Variants in USP3 observed in about 807,000 individuals in gnomAD.
The protein encoded by USP3 is ubiquitin specific peptidase 3.
USP3 carries 20 observed loss-of-function variants against 72.3 expected under a neutral mutation model. The ratio of observed to expected loss-of-function variants is 0.28; its 90% CI spans 0.19 to 0.40. The LOEUF (loss-of-function observed/expected upper bound fraction) is 0.40, where lower values mean the gene tolerates loss of function less well. USP3 is among the 10% of genes least tolerant of loss of function. The pLI, the probability that USP3 is intolerant of heterozygous loss-of-function variation, is 1.00. For synonymous variants in USP3, 222 were observed against 225.3 expected, an observed-to-expected ratio of 0.99 and a Z score of 0.13; for missense variants, 479 against 633.9, an observed-to-expected ratio of 0.76 and a Z score of 2.62.
intron 11 of USP3, chr15:63,587,708 GCT>G (rs1334500252): frequency 1.3e-5 from 2 of 152,252 alleles, no homozygotes; most frequent in East Asian, 3.8e-4. Context: ...AGTGGGCATG[GCT>G]CTGTTCCAAT....
rs1215978780 is a variant in USP3, at chr15:63,504,899, GGGCCGCAGGC to G, written c.91+75_91+84del. ...CGGCTCTGCCGGGCCTGCCGTCTAG[GGGCCGCAGGC>G]GGCCGGCGCGCGGACTCGGGGAGGG... On this transcript the variant is annotated intron_variant, in intron 1 of 14. Coordinates refer to ENST00000380324, the MANE Select transcript of USP3 (RefSeq NM_006537.4). 26 of 1,228,414 alleles carry G rather than the reference GGGCCGCAGGC, an allele frequency of 2.1e-5. No individual in the cohort carries two copies. The Admixed American group carries it at 1.1e-3, about 52-fold the overall frequency. The allele number at this position is 1,228,414 out of a possible 1,614,324, so 76.1% of individuals were successfully genotyped here.
intron 9 of USP3, among the ~76,000 whole-genome samples, chr15:63,573,087 TG>T (rs2066805531): frequency 6.6e-6 from 1 of 152,214 alleles, no homozygotes; most frequent in East Asian, 1.9e-4. Context: ...TTGCTTCCAT[TG>T]TATGTCCATA....
chr15:63,557,477 G>A (rs1394075933), intron 5 of USP3, among the ~76,000 whole-genome samples: 1 of 152,064 alleles, frequency 6.6e-6, no homozygotes. Context: ...TGCTCAGGCT[G>A]GTCTCGAACT....
chr15:63,532,778 G>A (rs2066096329), intron 2 of USP3, 71 bp downstream of exon 2: 1 of 1,516,840 alleles, frequency 6.6e-7, no homozygotes, highest in Non-Finnish European at 9.1e-7. Context: ...TTATGTCAGA[G>A]TTTTATTGAT....
chr15:63,571,895 C>G (rs1266844670), intron 9 of USP3, among the ~76,000 whole-genome samples: 1 of 152,118 alleles, frequency 6.6e-6, no homozygotes, highest in Non-Finnish European at 1.5e-5. Flanking sequence ...ATTGGAAAAG[C>G]CATTTCAGGA....
At chr15:63,560,686 C>T (rs557120392) in intron 7 of USP3, among the ~76,000 whole-genome samples, 6 of 151,810 alleles carry the variant, frequency 4.0e-5, no homozygotes, top group South Asian at 4.2e-4. Context: ...TTGGTTGATA[C>T]GGAGAGGGGG....
At chr15:63,579,237 A>G (rs977125296) in intron 11 of USP3, among the ~76,000 whole-genome samples, 13 of 152,354 alleles carry the variant, frequency 8.5e-5, no homozygotes, top group Middle Eastern at 6.8e-3. Context: ...TATGGTAGAA[A>G]TGTCCATTTT....
chr15:63,529,419 G>A lies in USP3; in HGVS notation c.92-3228G>A, dbSNP rs868432010. Among the ~76,000 whole-genome samples, 1 of 151,882 alleles carries A rather than the reference G, an allele frequency of 6.6e-6. No homozygotes were observed. Among genetic ancestry groups the A allele is most frequent in the Non-Finnish European group, 1.5e-5 (1 of 67,982 alleles). Reference sequence around the variant, plus strand: ...ACAAGTACCATCTCTATCTAGTTCCGAAACATTTTCATAACCCCAAAATAA... The same window carrying A: ...ACAAGTACCATCTCTATCTAGTTCCAAAACATTTTCATAACCCCAAAATAA... On this transcript the variant is annotated intron_variant, in intron 1 of 14. Transcript: ENST00000380324. This position sits in a 1 kb window ranked among gnomAD's most constrained non-coding sequence, Gnocchi z 4.2.
At chr15:63,575,696 C>A (rs1322535168) in intron 11 of USP3, among the ~76,000 whole-genome samples, 1 of 152,156 alleles carries the variant, frequency 6.6e-6, no homozygotes, top group African/African-American at 2.4e-5. Context: ...TAGTATGTGT[C>A]TCCAAAACTG....
intron 1 of USP3, chr15:63,515,300 A>G (rs1198304344): frequency 6.6e-6 from 1 of 152,232 alleles, no homozygotes; most frequent in African/African-American, 2.4e-5. Context: ...TGTTTAGTGC[A>G]TTACAGTTTT....
rs2066755279 is a variant in USP3, at chr15:63,570,087, A to G, written c.762-346A>G. On this transcript the variant is annotated intron_variant, in intron 8 of 14. Coordinates refer to ENST00000380324, the MANE Select transcript of USP3 (RefSeq NM_006537.4). This position sits in a 1 kb window ranked among gnomAD's most constrained non-coding sequence, Gnocchi z 4.4. ...GAGAAGAGTCAGAGTCCACCAGGAA[A>G]CAAAGGTGTAGTCCCATCTCTGTTA... 6.6e-6 allele frequency among the ~76,000 whole-genome samples: 1 copy of G among 152,142 alleles called. No homozygotes were observed. Among genetic ancestry groups the G allele is most frequent in the African/African-American group, 2.4e-5 (1 of 41,412 alleles).
chr15:63,527,246 T>G (rs146011600), intron 1 of USP3, among the ~76,000 whole-genome samples: 2 of 152,322 alleles, frequency 1.3e-5, no homozygotes, highest in Non-Finnish European at 2.9e-5. Context: ...CATCACCTAC[T>G]CTTCATTTTA....
rs1485103084 is a variant in USP3 at position 63,528,001 on chromosome 15, C to G, written c.92-4646C>G. On this transcript the variant is annotated intron_variant, in intron 1 of 14. Transcript: ENST00000380324. The surrounding 1 kb of genome is among the most constrained non-coding windows in gnomAD (Gnocchi z 4.3). Reference sequence around the variant, plus strand: ...TACCTTCTGGAGAATGGCTCTAGCTCAGGAGAGGATAGAGCTTCTTCATCT... The same window carrying G: ...TACCTTCTGGAGAATGGCTCTAGCTGAGGAGAGGATAGAGCTTCTTCATCT... The G allele has an allele frequency of 6.6e-6, 1 of 152,226 alleles. No individual in the cohort carries two copies. The allele number at this position is 152,226 out of a possible 1,614,324, so 9.4% of individuals were successfully genotyped here. A position where few individuals can be genotyped will look rare whatever the true frequency, so the allele number is the denominator to read the frequency against.
chr15:63,555,509 A>G (rs1056462799), intron 4 of USP3, among the ~76,000 whole-genome samples: 7 of 152,242 alleles, frequency 4.6e-5, no homozygotes, highest in Admixed American at 3.3e-4. Flanking sequence ...AGTGGCTACT[A>G]TATTAGATAG....
At chr15:63,580,062 A>G (rs902564856) in intron 11 of USP3, among the ~76,000 whole-genome samples, 3 of 152,162 alleles carry the variant, frequency 2.0e-5, no homozygotes, top group Admixed American at 1.3e-4. Context: ...ACACTTTGTT[A>G]TTGAAAAAAA....
At chr15:63,568,796 G>C (rs186263187) in intron 8 of USP3, among the ~76,000 whole-genome samples, 1 of 152,224 alleles carries the variant, frequency 6.6e-6, no homozygotes. Context: ...AGTGTTCCCT[G>C]GTAAATTTCA....
At chr15:63,505,180 G>A (rs1194605959) in intron 1 of USP3, among the ~76,000 whole-genome samples, 5 of 151,894 alleles carry the variant, frequency 3.3e-5, no homozygotes, top group Non-Finnish European at 5.9e-5. Context: ...TCCGTGTTGC[G>A]GGGTCGCCTG....
chr15:63,504,615 A>T lies in USP3; in HGVS notation c.-125A>T. On this transcript the variant is annotated 5_prime_UTR_variant, in exon 1 of 15. Transcript: ENST00000380324. ...GTGCTTTCTTTGACGCAAGGGCTCG[A>T]GACGCAGCCGCCGTCGGCCGAGCGC... 1.3e-6 allele frequency: 1 copy of T among 768,640 alleles called. No homozygotes were observed. The highest frequency in any genetic ancestry group is 1.9e-6 in the Non-Finnish European group (1 of 513,724). 47.6% of individuals were successfully genotyped at this position (768,640 alleles called of 1,614,324 possible). A position where few individuals can be genotyped will look rare whatever the true frequency, so the allele number is the denominator to read the frequency against.
At position 63,537,145 on chromosome 15, in the gene USP3, C is replaced by T; in HGVS notation, c.273C>T (p.Tyr91=). 7 of 1,613,178 alleles carry T rather than the reference C, an allele frequency of 4.3e-6. No individual in the cohort carries two copies. The highest frequency in any genetic ancestry group is 5.1e-6 in the Non-Finnish European group (6 of 1,179,666). The change falls in exon 3 of 15, where the codon TAC becomes TAT. Residue 91 remains tyrosine, a synonymous_variant. Coordinates refer to ENST00000380324, the MANE Select transcript of USP3 (RefSeq NM_006537.4). ...QHTVCMDCSS[Y]STYCYRCDDF... ...CAGTATGTATGGATTGCAGTAGCTA[C>T]AGTACATACTGGTAAGTTAACATTT...
Sources: gnomAD v4.1 joint callset for allele counts (sites outside exome capture counted in the v4.1 genomes callset) on GRCh38, gnomAD v4.1.1 for gene constraint, Gnocchi (gnomAD v3.1) non-coding constraint, MANE v1.5 for transcripts, NCBI Gene and HGNC (gene_info 2026-07-23, HGNC 2026-07-21) for gene names.